The following PLCH1 variants were observed in gnomAD, a reference collection of about 807,000 sequenced individuals.
PLCH1 encodes the protein 1-phosphatidylinositol 4,5-bisphosphate phosphodiesterase eta-1.
PLCH1 carries 60 observed loss-of-function variants against 126.7 expected under a neutral mutation model. The observed-to-expected ratio is 0.47, with a 90% confidence interval of 0.38 to 0.59. The LOEUF (loss-of-function observed/expected upper bound fraction) is 0.59. Among genes scored for constraint, PLCH1 ranks in the 20% least tolerant of loss-of-function variants. The pLI is 0.00. For synonymous variants in PLCH1, 719 were observed against 734.9 expected (o/e 0.98, Z 0.35); for missense variants, 1,723 against 2,040.0 (o/e 0.84, Z 2.99).
At chr3:155,540,541 G>A (rs1185432765) in intron 10 of PLCH1, among the ~76,000 whole-genome samples, 1 of 151,738 alleles carries the variant, frequency 6.6e-6, no homozygotes, top group Non-Finnish European at 1.5e-5. Context: ...AAACAAATCA[G>A]GAAGAAAAAG....
intron 2 of PLCH1, among the ~76,000 whole-genome samples, chr3:155,622,562 A>C (rs1465351407): frequency 6.7e-6 from 1 of 148,944 alleles, no homozygotes; most frequent in Non-Finnish European, 1.5e-5. Context: ...AAAGAAATGG[A>C]GGAATATTTT....
At chr3:155,487,731 T>C (rs1158935453) in intron 21 of PLCH1, among the ~76,000 whole-genome samples, 1 of 152,216 alleles carries the variant, frequency 6.6e-6, no homozygotes, top group Non-Finnish European at 1.5e-5. Context: ...CATTTAACTA[T>C]ATCTTCATTG....
chr3:155,589,328 CA>C (rs2108621767), intron 4 of PLCH1, among the ~76,000 whole-genome samples: 1 of 152,094 alleles, frequency 6.6e-6, no homozygotes, highest in Admixed American at 6.5e-5. Context: ...GGTTGTGTTC[CA>C]ATAAACCTTT....
intron 12 of PLCH1, among the ~76,000 whole-genome samples, chr3:155,514,281 A>G (rs892198169): frequency 1.4e-4 from 21 of 152,194 alleles, no homozygotes; most frequent in African/African-American, 5.1e-4. Flanking sequence ...GGCAACCATC[A>G]ATGCAGAGTG....
At chr3:155,558,649 T>C (rs1401700242) in intron 8 of PLCH1, among the ~76,000 whole-genome samples, 3 of 152,194 alleles carry the variant, frequency 2.0e-5, no homozygotes, top group Non-Finnish European at 4.4e-5. Context: ...CCTTTCCTCT[T>C]GTGGTGAAGA....
chr3:155,644,439 C>A (rs1455865628), intron 2 of PLCH1, among the ~76,000 whole-genome samples: 5 of 152,010 alleles, frequency 3.3e-5, no homozygotes, highest in African/African-American at 1.2e-4. Context: ...CCCCTCGCTA[C>A]TAAAAATACA....
chr3:155,596,171 C>T, intron 3 of PLCH1, 61 bp downstream of exon 3: 1 of 1,253,360 alleles, frequency 8.0e-7, no homozygotes, highest in Non-Finnish European at 1.1e-6. Flanking sequence ...CAAGAGCCCA[C>T]TCAGTATAAC....
chr3:155,573,201 T>C (rs964830026), intron 6 of PLCH1, among the ~76,000 whole-genome samples: 2 of 152,216 alleles, frequency 1.3e-5, no homozygotes, highest in Non-Finnish European at 2.9e-5. Context: ...CTCTGTTCTT[T>C]ATAGCAGAGG....
intron 2 of PLCH1, among the ~76,000 whole-genome samples, chr3:155,630,681 T>C (rs928222470): frequency 2.0e-5 from 3 of 152,228 alleles, no homozygotes; most frequent in African/African-American, 7.2e-5. Context: ...ATCTGTATAT[T>C]TGTTTACATT....
chr3:155,723,917 G>A (rs1180283848), intron 1 of PLCH1, among the ~76,000 whole-genome samples: 1 of 137,490 alleles, frequency 7.3e-6, no homozygotes, highest in Non-Finnish European at 1.5e-5. Context: ...TTGAGCCACT[G>A]CACTCTAGCC....
chr3:155,662,778 C>T (rs1238935126), intron 2 of PLCH1, among the ~76,000 whole-genome samples: 1 of 152,096 alleles, frequency 6.6e-6, no homozygotes, highest in Non-Finnish European at 1.5e-5. Context: ...GATTCTCATC[C>T]CTCAGCCTCC....
At chr3:155,557,430 C>T (rs902882985) in intron 8 of PLCH1, among the ~76,000 whole-genome samples, 3 of 152,088 alleles carry the variant, frequency 2.0e-5, no homozygotes, top group African/African-American at 4.8e-5. Context: ...TAAAACTACA[C>T]GAGTCATGAA....
At chr3:155,701,090 C>A (rs1172386456) in intron 2 of PLCH1, among the ~76,000 whole-genome samples, 1 of 152,148 alleles carries the variant, frequency 6.6e-6, no homozygotes, top group South Asian at 2.1e-4. Context: ...TCAATTCAAC[C>A]AGTTCATTTC....
At chr3:155,628,468 T>C (rs1737626568) in intron 2 of PLCH1, among the ~76,000 whole-genome samples, 1 of 151,428 alleles carries the variant, frequency 6.6e-6, no homozygotes, top group African/African-American at 2.4e-5. Context: ...TTTGATCATA[T>C]CCTTTTGCCA....
chr3:155,474,481 A>T, intron 21 of PLCH1, among the ~76,000 whole-genome samples: 3 of 131,626 alleles, frequency 2.3e-5, no homozygotes, highest in South Asian at 3.2e-4. Context: ...TGTTGGTGGG[A>T]CTGTAAACTA....
chr3:155,590,577 C>A (rs76813140), intron 4 of PLCH1, among the ~76,000 whole-genome samples: 6 of 125,622 alleles, frequency 4.8e-5, no homozygotes, highest in African/African-American at 6.0e-5. Flanking sequence ...GACTCCATCT[C>A]AAAAAAAAAA....
intron 1 of PLCH1, among the ~76,000 whole-genome samples, chr3:155,739,458 A>G (rs1014017105): frequency 2.6e-5 from 4 of 152,066 alleles, no homozygotes; most frequent in African/African-American, 9.7e-5. Flanking sequence ...CACTTCCAAA[A>G]ACATAGCCCA....
chr3:155,577,467 T>C (rs1482675055), intron 6 of PLCH1, among the ~76,000 whole-genome samples: 2 of 152,174 alleles, frequency 1.3e-5, no homozygotes. Context: ...TACAAATATT[T>C]TCCTACTCTG....
At chr3:155,566,312 CATAT>C (rs373954219) in intron 7 of PLCH1, among the ~76,000 whole-genome samples, 2 of 12,282 alleles carry the variant, frequency 1.6e-4, no homozygotes, top group African/African-American at 8.2e-4. Flanking sequence ...CATATATATA[CATAT>C]ATACATATAT....
Sources: allele counts gnomAD v4.1 joint callset (sites outside exome capture counted in the v4.1 genomes callset), GRCh38; gene constraint gnomAD v4.1.1; transcripts MANE v1.5; gene names NCBI Gene and HGNC (gene_info 2026-07-23, HGNC 2026-07-21).